The following EPB41L5 variants were observed in gnomAD, a reference collection of about 807,000 sequenced individuals.
EPB41L5 encodes erythrocyte membrane protein band 4.1 like 5, also known as band 4.1-like protein 5.
EPB41L5 carries 55 observed loss-of-function variants against 106.6 expected under a neutral mutation model. That is an observed-to-expected ratio of 0.52 (90% CI 0.42 to 0.65). The LOEUF (loss-of-function observed/expected upper bound fraction) is 0.65, where lower values mean the gene tolerates loss of function less well. Among genes scored for constraint, EPB41L5 ranks in the 30% least tolerant of loss-of-function variants. The pLI is 0.00. For synonymous variants in EPB41L5, 297 were observed against 306.7 expected (o/e 0.97, Z 0.33); for missense variants, 871 against 882.1 (o/e 0.99, Z 0.16).
At chr2:120,089,669 A>G (rs545420732) in intron 11 of EPB41L5, among the ~76,000 whole-genome samples, 1 of 152,194 alleles carries the variant, frequency 6.6e-6, no homozygotes, top group African/African-American at 2.4e-5. Flanking sequence ...ACTATTATAA[A>G]TGAGACTGAG....
At chr2:120,162,530 A>G (rs1174137556) in intron 21 of EPB41L5, among the ~76,000 whole-genome samples, 1 of 152,160 alleles carries the variant, frequency 6.6e-6, no homozygotes, top group Non-Finnish European at 1.5e-5. Flanking sequence ...TAAAGAAAAA[A>G]CCCAACCTAA....
At chr2:120,109,850 A>G (rs1347419455) in intron 16 of EPB41L5, among the ~76,000 whole-genome samples, 1 of 152,200 alleles carries the variant, frequency 6.6e-6, no homozygotes, top group Non-Finnish European at 1.5e-5. Flanking sequence ...AACCCATTCT[A>G]ATCAAACATT....
intron 13 of EPB41L5, among the ~76,000 whole-genome samples, 165 bp from the exon 14 acceptor site, chr2:120,093,084 C>T (rs758107998): frequency 6.6e-6 from 1 of 152,158 alleles, no homozygotes; most frequent in Non-Finnish European, 1.5e-5. Context: ...TAGTGAGACC[C>T]ACCCCTATCT....
At position 120,168,989 on chromosome 2, in the gene EPB41L5, C is replaced by T. The variant is rs542971211; in HGVS notation, c.2135+982C>T. On this transcript the variant is annotated intron_variant, in intron 24 of 24. Transcript: ENST00000263713. Reference sequence around the variant, plus strand: ...AAAATAGAGCTGCACACAGAGAACCCGACGGTAATGCTTTGTAATTGAATT... The same window carrying T: ...AAAATAGAGCTGCACACAGAGAACCTGACGGTAATGCTTTGTAATTGAATT... Among the ~76,000 whole-genome samples the T allele has an allele frequency of 1.1e-4, 17 of 151,982 alleles. No homozygotes were observed. The South Asian group carries it at 1.5e-3, about 13-fold the overall frequency.
chr2:120,160,560 T>C (rs1412209332), intron 20 of EPB41L5: 1 of 196,740 alleles, frequency 5.1e-6, no homozygotes, highest in Non-Finnish European at 1.0e-5. Context: ...TCTTTTTAGT[T>C]TTTGAGGAAC....
At chr2:120,126,632 C>G (rs920573683) in intron 16 of EPB41L5, among the ~76,000 whole-genome samples, 1 of 152,152 alleles carries the variant, frequency 6.6e-6, no homozygotes, top group African/African-American at 2.4e-5. Context: ...TATAGACTCT[C>G]AATTCTGTTG....
Position 120,148,610 on chromosome 2 carries a change from C to T in EPB41L5, c.1793+2321C>T, listed in dbSNP as rs116229730. Among the ~76,000 whole-genome samples, 113 of 152,224 alleles carry T rather than the reference C, an allele frequency of 7.4e-4. 1 individual carries two copies. Among genetic ancestry groups the T allele is most frequent in the African/African-American group, 2.5e-3 (104 of 41,564 alleles). On this transcript the variant is annotated intron_variant, in intron 20 of 24. Coordinates refer to ENST00000263713, the MANE Select transcript of EPB41L5 (RefSeq NM_020909.4). ...GACAGTTTATGTCAATGGAATTATA[C>T]GTGTCCTTTTGTGTCTGGCTTCTTA...
At chr2:120,020,153 C>T (rs909499824) in intron 2 of EPB41L5, among the ~76,000 whole-genome samples, 1 of 152,154 alleles carries the variant, frequency 6.6e-6, no homozygotes, top group African/African-American at 2.4e-5. Flanking sequence ...ATGTGAGCTT[C>T]ATAGGATATT....
At chr2:120,018,979 T>G in intron 1 of EPB41L5, 98 bp from the exon 2 acceptor site, 1 of 1,070,546 alleles carries the variant, frequency 9.3e-7, no homozygotes, top group Non-Finnish European at 1.4e-6. Flanking sequence ...TCTACTAATG[T>G]TCACAGGACT....
At chr2:120,110,371 C>T (rs1684665781) in intron 16 of EPB41L5, among the ~76,000 whole-genome samples, 1 of 152,158 alleles carries the variant, frequency 6.6e-6, no homozygotes, top group South Asian at 2.1e-4. Context: ...TTTCCCGTAA[C>T]AATTTATTCC....
At chr2:120,050,925 A>C (rs1485272182) in intron 3 of EPB41L5, among the ~76,000 whole-genome samples, 1 of 152,202 alleles carries the variant, frequency 6.6e-6, no homozygotes, top group Middle Eastern at 3.2e-3. Flanking sequence ...GAGGTCTACT[A>C]CATACCCTGT....
chr2:120,171,895 AC>A (rs1460755754), intron 24 of EPB41L5, among the ~76,000 whole-genome samples: 4 of 152,144 alleles, frequency 2.6e-5, no homozygotes, highest in Admixed American at 2.0e-4. Flanking sequence ...GTGAATTTTG[AC>A]AAATAGAAGT....
rs575688539 is a variant in EPB41L5, at chr2:120,019,396, T to C, written c.180+132T>C. The C allele has an allele frequency of 5.5e-5, 39 of 709,216 alleles. No individual in the cohort carries two copies. The African/African-American group carries it at 6.5e-4, about 12-fold the overall frequency. The allele number at this position is 709,216 out of a possible 1,614,324, so 43.9% of individuals were successfully genotyped here. ...TTATGGGTTAGTATAGATCAGGCAC[T>C]GTAACATTCAGGTACATGGATCAGA... On this transcript the variant is annotated intron_variant, in intron 2 of 24. Coordinates refer to ENST00000263713, the MANE Select transcript of EPB41L5 (RefSeq NM_020909.4).
chr2:120,040,356 A>G (rs1278614023), intron 2 of EPB41L5, among the ~76,000 whole-genome samples: 1 of 152,236 alleles, frequency 6.6e-6, no homozygotes, highest in African/African-American at 2.4e-5. Context: ...TTGACATCAC[A>G]CTTACCAGTA....
intron 16 of EPB41L5, chr2:120,104,217 C>A: frequency 6.5e-7 from 1 of 1,535,716 alleles, no homozygotes; most frequent in Non-Finnish European, 8.7e-7. Flanking sequence ...TTTTCCTGGC[C>A]ATACAGCCAT....
At chr2:120,117,895 A>G (rs979943638) in intron 16 of EPB41L5, among the ~76,000 whole-genome samples, 23 of 151,136 alleles carry the variant, frequency 1.5e-4, no homozygotes, top group African/African-American at 5.4e-4. Context: ...TTTCTTCTCT[A>G]CTTTTAAGAA....
intron 14 of EPB41L5, among the ~76,000 whole-genome samples, chr2:120,094,482 CA>C (rs201981175): frequency 5.2e-4 from 71 of 137,288 alleles, no homozygotes; most frequent in Middle Eastern, 3.8e-3. Flanking sequence ...TTTTTTCTTG[CA>C]AAAAAAAAAA....
intron 3 of EPB41L5, among the ~76,000 whole-genome samples, chr2:120,066,737 G>A (rs1040821237): frequency 6.6e-6 from 1 of 152,194 alleles, no homozygotes; most frequent in African/African-American, 2.4e-5. Context: ...ATAGTGCCCA[G>A]GTGACCAGCC....
At chr2:120,053,517 A>G (rs1680431162) in intron 3 of EPB41L5, among the ~76,000 whole-genome samples, 1 of 152,132 alleles carries the variant, frequency 6.6e-6, no homozygotes, top group Admixed American at 6.5e-5. Context: ...CCCTCCCCAC[A>G]GCATCTGGCA....
Sources: gnomAD v4.1 joint callset for allele counts (sites outside exome capture counted in the v4.1 genomes callset) on GRCh38, gnomAD v4.1.1 for gene constraint, MANE v1.5 for transcripts, NCBI Gene and HGNC (gene_info 2026-07-23, HGNC 2026-07-21) for gene names.